LIMCH1: variants seen among roughly 807,000 people sequenced by gnomAD.
LIMCH1 encodes the protein LIM and calponin homology domains 1.
In LIMCH1, 113 loss-of-function variants were observed where a neutral mutation model predicts 176.5. That is an observed-to-expected ratio of 0.64 (90% CI 0.55 to 0.75). The LOEUF (loss-of-function observed/expected upper bound fraction) is 0.75, where lower values mean the gene tolerates loss of function less well. Among genes scored for constraint, LIMCH1 ranks in the 30% least tolerant of loss-of-function variants. The pLI, the probability that LIMCH1 is intolerant of heterozygous loss-of-function variation, is 0.00. For synonymous variants in LIMCH1, 619 were observed against 645.9 expected, an observed-to-expected ratio of 0.96 and a Z score of 0.63; for missense variants, 1,674 against 1,814.9, an observed-to-expected ratio of 0.92 and a Z score of 1.41.
chr4:41,616,414 A>G lies in LIMCH1; in HGVS notation c.205+2753A>G, dbSNP rs547676032. Among the ~76,000 whole-genome samples, 1,115 of 152,228 alleles carry G rather than the reference A, an allele frequency of 7.3e-3. 4 individuals carry two copies. Among genetic ancestry groups the G allele is most frequent in the Non-Finnish European group, 0.013 (857 of 68,004 alleles). Reference sequence around the variant, plus strand: ...CATGGTGGCGGGCGCCTGTAATTCCAGCTACTCAGGAGGCTGAGGCAGGAG... The same window carrying G: ...CATGGTGGCGGGCGCCTGTAATTCCGGCTACTCAGGAGGCTGAGGCAGGAG... On this transcript the variant is annotated intron_variant, in intron 5 of 31. Transcript: ENST00000503057.
At chr4:41,649,198 G>C (rs1265584843) in intron 17 of LIMCH1, among the ~76,000 whole-genome samples, 2 of 152,118 alleles carry the variant, frequency 1.3e-5, no homozygotes, top group African/African-American at 4.8e-5. Context: ...CCAGGAGTTC[G>C]AGACCAGTCT....
intron 7 of LIMCH1, among the ~76,000 whole-genome samples, chr4:41,623,001 C>G (rs73810289): frequency 0.065 from 9,961 of 152,266 alleles, 992 homozygotes; most frequent in African/African-American, 0.21. Flanking sequence ...AGCCAGCGCT[C>G]TCACAAAGGT....
chr4:41,530,826 T>TAAA (rs2077206614), intron 3 of LIMCH1, among the ~76,000 whole-genome samples: 1 of 130,114 alleles, frequency 7.7e-6, no homozygotes, highest in African/African-American at 3.1e-5. Flanking sequence ...AAAATTTTTT[T>TAAA]TTTTTTTTTT....
intron 2 of LIMCH1, among the ~76,000 whole-genome samples, chr4:41,514,005 T>TAAAAAAAAAAAAA (rs71198665): frequency 2.1e-5 from 1 of 48,526 alleles, no homozygotes; most frequent in East Asian, 1.0e-3. Context: ...GACTCCGTCT[T>TAAAAAAAAAAAAA]AAAAAAAAAA....
intron 1 of LIMCH1, among the ~76,000 whole-genome samples, chr4:41,575,908 G>A (rs2084390220): frequency 6.6e-6 from 1 of 152,140 alleles, no homozygotes; most frequent in South Asian, 2.1e-4. Context: ...CCTCTAAGTA[G>A]AAGAATAACC....
At chr4:41,616,678 G>A in intron 5 of LIMCH1, among the ~76,000 whole-genome samples, 1 of 152,122 alleles carries the variant, frequency 6.6e-6, no homozygotes, top group South Asian at 2.1e-4. Flanking sequence ...TGAGGTGTCA[G>A]CCTCAAAAGA....
chr4:41,442,749 T>A (rs2062835856), intron 1 of LIMCH1, among the ~76,000 whole-genome samples: 1 of 152,230 alleles, frequency 6.6e-6, no homozygotes, highest in Non-Finnish European at 1.5e-5. Flanking sequence ...TAACTATGGA[T>A]TGAATTTTAA....
intron 3 of LIMCH1, among the ~76,000 whole-genome samples, chr4:41,528,052 A>G (rs1159349901): frequency 1.3e-5 from 2 of 152,196 alleles, no homozygotes; most frequent in Non-Finnish European, 2.9e-5. Context: ...TGCGATAGCT[A>G]TCTTTGTGTA....
At chr4:41,500,838 C>T (rs2073136027) in intron 2 of LIMCH1, among the ~76,000 whole-genome samples, 1 of 152,106 alleles carries the variant, frequency 6.6e-6, no homozygotes, top group African/African-American at 2.4e-5. Context: ...CAAGTGAGGG[C>T]ATGAGAGAGC....
At chr4:41,637,767 GCA>G (rs1220418874) in intron 13 of LIMCH1, among the ~76,000 whole-genome samples, 2 of 152,144 alleles carry the variant, frequency 1.3e-5, no homozygotes, top group Non-Finnish European at 2.9e-5. Context: ...AATGATAAAA[GCA>G]TAAGAGAGAA....
chr4:41,513,839 T>A (rs1427291767), intron 2 of LIMCH1, among the ~76,000 whole-genome samples: 1 of 148,192 alleles, frequency 6.7e-6, no homozygotes, highest in East Asian at 1.9e-4. Flanking sequence ...ACCCCATTTC[T>A]ACTAAAAAAT....
At chr4:41,493,577 A>G (rs1364037488) in intron 1 of LIMCH1, among the ~76,000 whole-genome samples, 1 of 152,238 alleles carries the variant, frequency 6.6e-6, no homozygotes, top group East Asian at 1.9e-4. Context: ...GTGTACTGGA[A>G]GATGTGCATA....
intron 5 of LIMCH1, among the ~76,000 whole-genome samples, chr4:41,615,450 CA>C (rs1233997401): frequency 4.0e-5 from 6 of 151,768 alleles, no homozygotes; most frequent in African/African-American, 7.3e-5. Flanking sequence ...TTTCTCCATC[CA>C]AAAAAACATG....
intron 20 of LIMCH1, among the ~76,000 whole-genome samples, chr4:41,665,608 A>G (rs2094794862): frequency 6.6e-6 from 1 of 152,156 alleles, no homozygotes; most frequent in Non-Finnish European, 1.5e-5. Flanking sequence ...GAGGTCATTG[A>G]TCTATAGGGA....
At chr4:41,666,083 T>C (rs2094811964) in intron 20 of LIMCH1, among the ~76,000 whole-genome samples, 1 of 152,200 alleles carries the variant, frequency 6.6e-6, no homozygotes, top group Non-Finnish European at 1.5e-5. Flanking sequence ...TGCATAAATT[T>C]GTGGGGGGTT....
At chr4:41,621,066 A>T (rs922092835) in intron 7 of LIMCH1, among the ~76,000 whole-genome samples, 1 of 152,196 alleles carries the variant, frequency 6.6e-6, no homozygotes, top group African/African-American at 2.4e-5. Flanking sequence ...TACTTTACAC[A>T]TCACTAGAAA....
intron 31 of LIMCH1, among the ~76,000 whole-genome samples, chr4:41,694,852 C>A (rs1038409187): frequency 6.6e-6 from 1 of 152,032 alleles, no homozygotes; most frequent in Admixed American, 6.6e-5. Flanking sequence ...ACTCTCCCTG[C>A]AAAATGTATG....
At chr4:41,396,831 G>T (rs1294257498) in intron 1 of LIMCH1, among the ~76,000 whole-genome samples, 2 of 152,016 alleles carry the variant, frequency 1.3e-5, no homozygotes, top group South Asian at 2.1e-4. Context: ...AACCTGGGAG[G>T]CAGAGGTTGC....
chr4:41,399,040 G>T (rs2154115862), intron 1 of LIMCH1, among the ~76,000 whole-genome samples: 1 of 152,274 alleles, frequency 6.6e-6, no homozygotes. Context: ...GGTGCCCATT[G>T]CTGTGCCACC....
Sources: gnomAD v4.1 joint callset for allele counts (sites outside exome capture counted in the v4.1 genomes callset) on GRCh38, gnomAD v4.1.1 for gene constraint, MANE v1.5 for transcripts, NCBI Gene and HGNC (gene_info 2026-07-23, HGNC 2026-07-21) for gene names.